ENTHD1: variants seen among roughly 807,000 people sequenced by gnomAD.
ENTHD1 encodes ENTH domain-containing protein 1.
Under a neutral mutation model 39.1 loss-of-function variants are expected in ENTHD1, and 23 were observed. That is an observed-to-expected ratio of 0.59 (90% CI 0.42 to 0.83). The LOEUF is 0.83. Ranked by LOEUF, ENTHD1 falls within the 40% of genes least tolerant of loss-of-function variation. The pLI is 0.00. For synonymous variants in ENTHD1, 230 were observed against 258.2 expected (o/e 0.89, Z 1.05); for missense variants, 624 against 705.4 (o/e 0.88, Z 1.31).
chr22:39,774,776 A>C (rs920795419), intron 5 of ENTHD1, among the ~76,000 whole-genome samples: 3 of 152,194 alleles, frequency 2.0e-5, no homozygotes, highest in African/African-American at 4.8e-5. Flanking sequence ...TTCAGTCTTC[A>C]AATTCTATGC....
At chr22:39,875,820 G>A (rs1370396054) in intron 2 of ENTHD1, 12 of 1,613,700 alleles carry the variant, frequency 7.4e-6, no homozygotes, top group Middle Eastern at 1.7e-4. Flanking sequence ...CTGTTTGTAC[G>A]TCATAGAACC....
At chr22:39,776,113 G>T (rs533744759) in intron 5 of ENTHD1, among the ~76,000 whole-genome samples, 1 of 151,788 alleles carries the variant, frequency 6.6e-6, no homozygotes. Context: ...AGGTAGTCTC[G>T]AACTCCTGGG....
Position 39,859,577 on chromosome 22 carries a change from G to GGA in ENTHD1, c.592+2186_592+2187dup, listed in dbSNP as rs1157171191. Among the ~76,000 whole-genome samples, 6 of 151,868 alleles carry GGA rather than the reference G, an allele frequency of 4.0e-5. No individual in the cohort carries two copies. The South Asian group carries it at 1.0e-3, about 26-fold the overall frequency. ...ACCCTCAGGGACTAGGGAGACCCAA[G>GGA]GAGAGAGAGAGAGATCGGGATCAGT... On this transcript the variant is annotated intron_variant, in intron 3 of 6. Transcript: ENST00000325157.
chr22:39,819,897 A>C (rs1471327219), intron 5 of ENTHD1, among the ~76,000 whole-genome samples: 1 of 152,192 alleles, frequency 6.6e-6, no homozygotes, highest in Non-Finnish European at 1.5e-5. Context: ...TTAGGAGAAA[A>C]AACTGTCAGG....
At chr22:39,848,600 A>G (rs907158003) in intron 3 of ENTHD1, among the ~76,000 whole-genome samples, 2 of 152,182 alleles carry the variant, frequency 1.3e-5, no homozygotes, top group Non-Finnish European at 2.9e-5. Context: ...GCCTACCAGC[A>G]TAATACCTTT....
intron 3 of ENTHD1, among the ~76,000 whole-genome samples, chr22:39,846,674 A>G (rs972521749): frequency 1.3e-5 from 2 of 152,172 alleles, no homozygotes; most frequent in Non-Finnish European, 2.9e-5. Flanking sequence ...AGAACCTACA[A>G]TGAACTCAAA....
intron 6 of ENTHD1, among the ~76,000 whole-genome samples, chr22:39,757,029 G>T (rs1601571165): frequency 1.4e-5 from 2 of 144,268 alleles, no homozygotes; most frequent in South Asian, 2.2e-4. Context: ...AAAAAAAAAA[G>T]CCTTCTGGGA....
chr22:39,857,153 A>G (rs1191915461), intron 3 of ENTHD1, among the ~76,000 whole-genome samples: 6 of 152,088 alleles, frequency 3.9e-5, no homozygotes, highest in Non-Finnish European at 7.4e-5. Context: ...TAAAAACGCA[A>G]TCTGTGGGGC....
At chr22:39,796,489 C>G (rs2065551091) in intron 5 of ENTHD1, among the ~76,000 whole-genome samples, 1 of 152,120 alleles carries the variant, frequency 6.6e-6, no homozygotes, top group Admixed American at 6.5e-5. Context: ...AGACTGATCT[C>G]AAGCTCCTGG....
intron 5 of ENTHD1, among the ~76,000 whole-genome samples, chr22:39,806,113 TG>T (rs2065638647): frequency 6.6e-6 from 1 of 152,240 alleles, no homozygotes; most frequent in African/African-American, 2.4e-5. Context: ...GCTACATCTC[TG>T]GGTTCCTGCC....
intron 5 of ENTHD1, among the ~76,000 whole-genome samples, chr22:39,783,557 C>T (rs2065429178): frequency 6.6e-6 from 1 of 151,924 alleles, no homozygotes; most frequent in Non-Finnish European, 1.5e-5. Context: ...ATGCACAGAC[C>T]AATGGAACAG....
intron 5 of ENTHD1, among the ~76,000 whole-genome samples, chr22:39,768,241 G>T (rs1054572295): frequency 6.6e-6 from 1 of 152,036 alleles, no homozygotes; most frequent in East Asian, 1.9e-4. Context: ...TTCAAAAATT[G>T]CCTCTTGTGT....
chr22:39,771,804 T>C (rs2065328323), intron 5 of ENTHD1, among the ~76,000 whole-genome samples: 2 of 152,024 alleles, frequency 1.3e-5, no homozygotes, highest in African/African-American at 4.8e-5. Flanking sequence ...ACTAAGAGAA[T>C]GAATTGCCCG....
intron 6 of ENTHD1, among the ~76,000 whole-genome samples, chr22:39,748,575 C>G (rs1370646426): frequency 6.6e-6 from 1 of 150,708 alleles, no homozygotes; most frequent in African/African-American, 2.5e-5. Context: ...TGCCCGTCAC[C>G]ACGCCCGGCT....
chr22:39,793,632 C>T (rs567161966), intron 5 of ENTHD1, among the ~76,000 whole-genome samples: 146 of 151,306 alleles, frequency 9.6e-4, no homozygotes, highest in African/African-American at 3.3e-3. Context: ...TTGGGTCTTA[C>T]ATTTAGCTCT....
chr22:39,886,082 G>GA (rs1158589166), intron 2 of ENTHD1, among the ~76,000 whole-genome samples: 1 of 150,632 alleles, frequency 6.6e-6, no homozygotes, highest in East Asian at 1.9e-4. Context: ...AAAAAGGGAA[G>GA]AAAAAAATAA....
At position 39,746,526 on chromosome 22, in the gene ENTHD1, C is replaced by T. The variant is rs112788708; in HGVS notation, c.1220-2243G>A. On this transcript the variant is annotated intron_variant, in intron 6 of 6. Transcript: ENST00000325157. ...TCAGATGTTGGTACCCCTTGCTGCC[C>T]GCTTATGTTTAAGTGTGGAGGATTA... Among the ~76,000 whole-genome samples, 49 of 152,080 alleles carry T rather than the reference C, an allele frequency of 3.2e-4. 1 individual carries two copies. The highest frequency in any genetic ancestry group is 9.6e-4 in the African/African-American group (40 of 41,482).
intron 2 of ENTHD1, among the ~76,000 whole-genome samples, chr22:39,864,483 T>A (rs1029815272): frequency 7.2e-5 from 11 of 152,200 alleles, no homozygotes; most frequent in African/African-American, 2.7e-4. Flanking sequence ...ACATTCGCAT[T>A]TATCATTACC....
intron 1 of ENTHD1, chr22:39,893,279 G>C (rs1355288637): frequency 6.6e-6 from 1 of 152,226 alleles, no homozygotes; most frequent in South Asian, 2.1e-4. Context: ...GCTTTGGAAA[G>C]AATTTTGAAA....
Sources: allele counts gnomAD v4.1 joint callset (sites outside exome capture counted in the v4.1 genomes callset), GRCh38; gene constraint gnomAD v4.1.1; transcripts MANE v1.5; gene names NCBI Gene and HGNC (gene_info 2026-07-23, HGNC 2026-07-21).